CA6: variants seen among roughly 807,000 people sequenced by gnomAD.
The protein encoded by CA6 is carbonate dehydratase VI.
Under a neutral mutation model 35.9 loss-of-function variants are expected in CA6, and 28 were observed. The observed-to-expected ratio is 0.78, with a 90% confidence interval of 0.58 to 1.07. CA6 has a LOEUF of 1.07. CA6 is among the 50% of genes least tolerant of loss of function. CA6 has a pLI of 0.00. For synonymous variants in CA6, 148 were observed against 152.6 expected (o/e 0.97, Z 0.22); for missense variants, 377 against 382.0 (o/e 0.99, Z 0.11).
At position 8,959,763 on chromosome 1, in the gene CA6, C is replaced by A. The variant is rs576253979; in HGVS notation, c.501+761C>A. Among the ~76,000 whole-genome samples, 5 of 151,888 alleles carry A rather than the reference C, an allele frequency of 3.3e-5. No homozygotes were observed. In the South Asian group the frequency reaches 1.0e-3, roughly 31 times the overall value. On this transcript the variant is annotated intron_variant, in intron 4 of 7. Coordinates refer to ENST00000377443, the MANE Select transcript of CA6 (RefSeq NM_001215.4). Reference sequence around the variant, plus strand: ...GCTGACCAACATGGCAAGACCCCATCTCTACTACAAATACAAAAATTAGCT... The same window carrying A: ...GCTGACCAACATGGCAAGACCCCATATCTACTACAAATACAAAAATTAGCT...
chr1:8,971,146 C>T (rs761039346), intron 7 of CA6, among the ~76,000 whole-genome samples, 165 bp downstream of exon 7: 1 of 152,016 alleles, frequency 6.6e-6, no homozygotes, highest in Non-Finnish European at 1.5e-5. Flanking sequence ...AGGGTGATGA[C>T]TTTTTCCCAG....
At chr1:8,955,060 GCCCAGGTGCCGGCACTGATCCAT>G (rs1639638578) in intron 2 of CA6, among the ~76,000 whole-genome samples, 1 of 61,942 alleles carries the variant, frequency 1.6e-5, no homozygotes, top group African/African-American at 4.5e-5. Flanking sequence ...AATATATATT[GCCCAGGTGCCGGCACTGATCCAT>G]TAATATATAT....
At position 8,967,692 on chromosome 1, in the gene CA6, A is replaced by G. The variant is rs780990647; in HGVS notation, c.605A>G (p.Gln202Arg). The change falls in exon 6 of 8, where the codon CAG becomes CGG. Residue 202 changes from glutamine (Q) to arginine (R), a missense_variant. By Grantham distance (43) the Gln-to-Arg change is conservative. Transcript: ENST00000377443. ...ACAACCCTGACTGGCCTTGACGTTC[A>G]GGACATGCTGCCCAGGAACCTCCAG... ...QRTTLTGLDV[Q>R]DMLPRNLQHY... is the part of the protein sequence containing the mutation. The G allele has an allele frequency of 6.2e-7, 1 of 1,614,146 alleles. No homozygotes were observed. Among genetic ancestry groups the G allele is most frequent in the Non-Finnish European group, 8.5e-7 (1 of 1,179,994 alleles).
intron 4 of CA6, among the ~76,000 whole-genome samples, chr1:8,961,173 GTCTA>G (rs1553163195): frequency 6.6e-6 from 1 of 152,138 alleles, no homozygotes; most frequent in Non-Finnish European, 1.5e-5. Flanking sequence ...TTGCTAGCCG[GTCTA>G]TCTTACAAGT....
chr1:8,972,403 C>T lies in CA6; in HGVS notation c.844+1422C>T, dbSNP rs148495645. Among the ~76,000 whole-genome samples the T allele has an allele frequency of 6.6e-5, 10 of 152,110 alleles. No individual in the cohort carries two copies. The East Asian group carries it at 9.7e-4, about 15-fold the overall frequency. Reference sequence around the variant, plus strand: ...AAACTTAAATTTCCTCCGGGTGTGGCGGCTCACGCCTGTAATCCCAGCACT... The same window carrying T: ...AAACTTAAATTTCCTCCGGGTGTGGTGGCTCACGCCTGTAATCCCAGCACT... On this transcript the variant is annotated intron_variant, in intron 7 of 7. Coordinates refer to ENST00000377443, the MANE Select transcript of CA6 (RefSeq NM_001215.4).
At chr1:8,955,583 C>T (rs1393827997) in intron 2 of CA6, among the ~76,000 whole-genome samples, 1 of 139,358 alleles carries the variant, frequency 7.2e-6, no homozygotes, top group East Asian at 2.5e-4. Context: ...CTCAGCTCCT[C>T]GGCTCCCGTC....
At chr1:8,958,121 G>A (rs562955211) in intron 3 of CA6, among the ~76,000 whole-genome samples, 6 of 152,246 alleles carry the variant, frequency 3.9e-5, no homozygotes, top group African/African-American at 1.4e-4. Context: ...CCCACAGGGT[G>A]TGGCAAGCCC....
rs778196199 is a variant in CA6 at position 8,949,315 on chromosome 1, C to A, written c.132C>A (p.Gly44=). 2 of 1,613,192 alleles carry A rather than the reference C, an allele frequency of 1.2e-6. No homozygotes were observed. The highest frequency in any genetic ancestry group is 1.7e-5 in the Admixed American group (1 of 59,946). The part of the protein sequence containing the change: ...HWPQHYPACG[G]QRQSPINLQR... ...CACAGCACTACCCCGCCTGTGGGGGCCAGAGACAGTCGCCTATCAACCTAC... is the reference window on the plus strand; with the variant it reads ...CACAGCACTACCCCGCCTGTGGGGGACAGAGACAGTCGCCTATCAACCTAC... The change falls in exon 2 of 8, where the codon GGC becomes GGA. Residue 44 remains glycine, a synonymous_variant. Coordinates refer to ENST00000377443, the MANE Select transcript of CA6 (RefSeq NM_001215.4).
At chr1:8,956,822 A>G (rs1259076406) in intron 2 of CA6, among the ~76,000 whole-genome samples, 1 of 152,200 alleles carries the variant, frequency 6.6e-6, no homozygotes, top group Non-Finnish European at 1.5e-5. Context: ...CCCTGGGGCC[A>G]GCAAGCTGGA....
At chr1:8,974,354 C>G in intron 7 of CA6, 1 of 1,518,236 alleles carries the variant, frequency 6.6e-7, no homozygotes. Flanking sequence ...CAGGCAAGGG[C>G]CACGGGGGGC....
rs184168475 is a variant in CA6 at position 8,958,968 on chromosome 1, C to T, written c.467C>T (p.Pro156Leu). Reference protein sequence around the residue: ...YKSYDIAQDAPDGLAVLAAFV... With the variant: ...YKSYDIAQDALDGLAVLAAFV... ...AGCTATGATATAGCCCAAGATGCGC[C>T]GGATGGTTTGGCTGTACTGGCAGCC... The change falls in exon 4 of 8, where the codon CCG (proline) becomes CTG (leucine). Residue 156 changes from proline (P) to leucine (L), a missense_variant. By Grantham distance (98) the Pro-to-Leu change is moderately conservative. Transcript: ENST00000377443. 3.7e-5 allele frequency: 60 copies of T among 1,612,926 alleles called. No homozygotes were observed. In the East Asian group the frequency reaches 7.1e-4, roughly 19 times the overall value.
chr1:8,966,648 C>T (rs934344880), intron 5 of CA6, among the ~76,000 whole-genome samples: 1 of 152,156 alleles, frequency 6.6e-6, no homozygotes, highest in Non-Finnish European at 1.5e-5. Context: ...GGCCTATCTA[C>T]GTATGTATCA....
intron 5 of CA6, among the ~76,000 whole-genome samples, chr1:8,966,203 A>G (rs138315417): frequency 0.059 from 9,007 of 152,016 alleles, 558 homozygotes; most frequent in African/African-American, 0.15. Flanking sequence ...TCCGCCTCCC[A>G]AGTTCAAGCG....
At chr1:8,950,283 C>T (rs1639495322) in intron 2 of CA6, among the ~76,000 whole-genome samples, 1 of 152,074 alleles carries the variant, frequency 6.6e-6, no homozygotes, top group Non-Finnish European at 1.5e-5. Flanking sequence ...CATGCCCGGC[C>T]TGGAAACTGT....
At chr1:8,971,197 C>G (rs1332202453) in intron 7 of CA6, among the ~76,000 whole-genome samples, 1 of 152,036 alleles carries the variant, frequency 6.6e-6, no homozygotes, top group Non-Finnish European at 1.5e-5. Flanking sequence ...ACGAGACAAT[C>G]AGAAGCGACA....
intron 2 of CA6, among the ~76,000 whole-genome samples, chr1:8,955,053 ATATATTG>A (rs1557623447): frequency 1.3e-4 from 8 of 61,958 alleles, no homozygotes; most frequent in Non-Finnish European, 3.0e-4. Context: ...ATCCATTAAT[ATATATTG>A]CCCAGGTGCC....
intron 2 of CA6, among the ~76,000 whole-genome samples, chr1:8,956,084 A>G (rs545882836): frequency 2.0e-5 from 3 of 152,124 alleles, no homozygotes; most frequent in South Asian, 4.2e-4. Flanking sequence ...TTAGCCGGGC[A>G]TGGTGGCATA....
chr1:8,974,252 G>A, intron 7 of CA6: 1 of 762,000 alleles, frequency 1.3e-6, no homozygotes, highest in South Asian at 2.1e-5. Flanking sequence ...TGCAAGGAGT[G>A]AATTGAGAAA....
chr1:8,949,158 G>A lies in CA6; in HGVS notation c.80-105G>A, dbSNP rs1639450121. 3 of 825,152 alleles carry A rather than the reference G, an allele frequency of 3.6e-6. No individual in the cohort carries two copies. In the South Asian group the frequency reaches 6.6e-5, roughly 18 times the overall value. The allele number at this position is 825,152 out of a possible 1,614,324, so 51.1% of individuals were successfully genotyped here. A position where few individuals can be genotyped will look rare whatever the true frequency, so the allele number is the denominator to read the frequency against. Reference sequence around the variant, plus strand: ...TCTGCTTTCTGGAAGGTGCCTCCGTGGGTCCCCGCCCAGCAGGCCCTGGCC... The same window carrying A: ...TCTGCTTTCTGGAAGGTGCCTCCGTAGGTCCCCGCCCAGCAGGCCCTGGCC... On this transcript the variant is annotated intron_variant, in intron 1 of 7. Transcript: ENST00000377443.
Sources: allele counts gnomAD v4.1 joint callset (sites outside exome capture counted in the v4.1 genomes callset), GRCh38; gene constraint gnomAD v4.1.1; transcripts MANE v1.5; gene names NCBI Gene and HGNC (gene_info 2026-07-23, HGNC 2026-07-21).